PCNT: variants seen among roughly 807,000 people sequenced by gnomAD.
PCNT encodes pericentrin.
A neutral mutation model predicts 380.4 loss-of-function variants in PCNT; 319 were observed. The observed-to-expected ratio is 0.84, with a 90% confidence interval of 0.77 to 0.92. PCNT has a LOEUF of 0.92. Among genes scored for constraint, PCNT ranks in the 40% least tolerant of loss-of-function variants. The pLI, the probability that PCNT is intolerant of heterozygous loss-of-function variation, is 0.00. For synonymous variants in PCNT, 1,845 were observed against 1,735.2 expected (o/e 1.06, Z -1.57); for missense variants, 4,400 against 4,255.3 (o/e 1.03, Z -0.95).
At chr21:46,374,514 C>T (rs1262013919) in intron 15 of PCNT, among the ~76,000 whole-genome samples, 1 of 152,172 alleles carries the variant, frequency 6.6e-6, no homozygotes, top group African/African-American at 2.4e-5. Flanking sequence ...GGCCACTCCT[C>T]TCCTGGTCTC....
intron 2 of PCNT, among the ~76,000 whole-genome samples, chr21:46,330,894 T>C (rs1326507162): frequency 6.6e-6 from 1 of 152,230 alleles, no homozygotes; most frequent in African/African-American, 2.4e-5. Flanking sequence ...ACCTTTATGT[T>C]ATAGTTGTAC....
rs567292285 is a variant in PCNT, at chr21:46,353,212, A to G, written c.1565A>G (p.Tyr522Cys). Reference protein sequence around the residue: ...HESELEQLRIYFEKKLRDAEK... With the variant: ...HESELEQLRICFEKKLRDAEK... ...TCCGAACTGGAGCAACTGAGGATTT[A>G]TTTTGAAAAGAAGTTAAGGGATGCT... The change falls in exon 10 of 47, where the codon TAT (tyrosine) becomes TGT (cysteine). Residue 522 changes from tyrosine to cysteine, a missense_variant. Physicochemically the swap from Tyr to Cys is radical, Grantham distance 194. Coordinates refer to ENST00000359568, the MANE Select transcript of PCNT (RefSeq NM_006031.6). 1.2e-6 allele frequency: 2 copies of G among 1,614,132 alleles called. No individual in the cohort carries two copies. Among genetic ancestry groups the G allele is most frequent in the African/African-American group, 1.3e-5 (1 of 75,048 alleles).
chr21:46,368,289 CA>C (rs929945687), intron 15 of PCNT, among the ~76,000 whole-genome samples: 2 of 150,928 alleles, frequency 1.3e-5, no homozygotes, highest in Admixed American at 6.6e-5. Flanking sequence ...ACTAAAAATC[CA>C]AAAAAAAATT....
At position 46,422,127 on chromosome 21, in the gene PCNT, A is replaced by G. The variant is rs1225684216; in HGVS notation, c.7179+3A>G. ...AAGTGCGTCCGAAGCACGTGAAGGT[A>G]TGGCTGGCAGGGGCGGCCCTCACAG... On this transcript the variant is annotated splice_donor_region_variant and intron_variant, in intron 32 of 46. Coordinates refer to ENST00000359568, the MANE Select transcript of PCNT (RefSeq NM_006031.6). 2.5e-6 allele frequency: 4 copies of G among 1,613,300 alleles called. No individual in the cohort carries two copies. Among genetic ancestry groups the G allele is most frequent in the African/African-American group, 1.3e-5 (1 of 74,950 alleles).
chr21:46,337,670 C>T (rs2083792848), intron 3 of PCNT, among the ~76,000 whole-genome samples: 1 of 152,208 alleles, frequency 6.6e-6, no homozygotes, highest in Non-Finnish European at 1.5e-5. Flanking sequence ...GCAATCTCCG[C>T]TTCCCGGATT....
chr21:46,380,444 G>T (rs1158014382), intron 15 of PCNT, among the ~76,000 whole-genome samples: 1 of 151,958 alleles, frequency 6.6e-6, no homozygotes, highest in African/African-American at 2.4e-5. Flanking sequence ...ACAGGCGTGA[G>T]CCACCGCGCC....
intron 40 of PCNT, among the ~76,000 whole-genome samples, chr21:46,437,787 G>A (rs2053502480): frequency 6.6e-6 from 1 of 152,208 alleles, no homozygotes; most frequent in Admixed American, 6.5e-5. Flanking sequence ...GTTGGGCCCT[G>A]GTGACCTTTC....
chr21:46,387,464 C>T lies in PCNT; in HGVS notation c.3465-1278C>T, dbSNP rs543624933. On this transcript the variant is annotated intron_variant, in intron 17 of 46. Coordinates refer to ENST00000359568, the MANE Select transcript of PCNT (RefSeq NM_006031.6). Reference sequence around the variant, plus strand: ...GTGGTGGGCGGGGTAGTCCCAGGCTCTAAACACAAGGGGTGCAGAGGTGAG... The same window carrying T: ...GTGGTGGGCGGGGTAGTCCCAGGCTTTAAACACAAGGGGTGCAGAGGTGAG... Among the ~76,000 whole-genome samples, 5 of 152,170 alleles carry T rather than the reference C, an allele frequency of 3.3e-5. No individual in the cohort carries two copies. In the South Asian group the frequency reaches 1.0e-3, roughly 32 times the overall value.
intron 21 of PCNT, among the ~76,000 whole-genome samples, chr21:46,393,146 C>T (rs1174818448): frequency 6.6e-6 from 1 of 152,312 alleles, no homozygotes; most frequent in African/African-American, 2.4e-5. Flanking sequence ...AGCCCTGTTG[C>T]CCCCGCACTC....
At chr21:46,433,465 G>C (rs567650946) in intron 38 of PCNT, among the ~76,000 whole-genome samples, 11 of 152,242 alleles carry the variant, frequency 7.2e-5, no homozygotes, top group African/African-American at 2.4e-4. Context: ...TGGTTTGGTG[G>C]TACAGACAGT....
chr21:46,371,857 C>A (rs1232299905), intron 15 of PCNT, among the ~76,000 whole-genome samples: 2 of 149,068 alleles, frequency 1.3e-5, no homozygotes, highest in African/African-American at 5.0e-5. Context: ...CATGTGCACA[C>A]AGCATGTGTG....
At chr21:46,429,718 G>C (rs1007687776) in intron 35 of PCNT, among the ~76,000 whole-genome samples, 8 of 152,182 alleles carry the variant, frequency 5.3e-5, no homozygotes, top group African/African-American at 1.9e-4. Flanking sequence ...GTTGGAGGCA[G>C]TTTAGGGTGT....
chr21:46,424,039 C>T (rs73379378), intron 32 of PCNT, among the ~76,000 whole-genome samples: 26,824 of 152,152 alleles, frequency 0.18, 4,361 homozygotes, highest in African/African-American at 0.43. Context: ...CCCACACTGA[C>T]GCCGCAGTGG....
rs546629654 is a variant in PCNT at position 46,334,027 on chromosome 21, A to G, written c.268-370A>G. 4.6e-5 allele frequency among the ~76,000 whole-genome samples: 7 copies of G among 152,146 alleles called. No homozygotes were observed. The East Asian group carries it at 1.2e-3, about 25-fold the overall frequency. On this transcript the variant is annotated intron_variant, in intron 2 of 46. Transcript: ENST00000359568. ...CAAGACCATCTTGGCTAACATGGTG[A>G]AACCCTGTCTCTACTAAAAATACAA... is the stretch of plus-strand genomic sequence containing the variant.
At position 46,432,081 on chromosome 21, in the gene PCNT, G is replaced by A. The variant is rs1202131018; in HGVS notation, c.8617G>A (p.Ala2873Thr). The A allele has an allele frequency of 6.2e-7, 1 of 1,613,980 alleles. No homozygotes were observed. Among genetic ancestry groups the A allele is most frequent in the Non-Finnish European group, 8.5e-7 (1 of 1,180,052 alleles). ...REREKPAWLQ[A>T]ELEQSHPRLK... Reference sequence around the variant, plus strand: ...GAGGGAGAAACCAGCGTGGTTGCAGGCAGAATTAGAGCAGTCACACCCACG... The same window carrying A: ...GAGGGAGAAACCAGCGTGGTTGCAGACAGAATTAGAGCAGTCACACCCACG... The change falls in exon 38 of 47, where the codon GCA becomes ACA. Residue 2873 changes from alanine to threonine, a missense_variant. Transcript: ENST00000359568.
Position 46,363,827 on chromosome 21 carries a change from G to A in PCNT, c.2502G>A (p.Leu834=), listed in dbSNP as rs1344704204. 10 of 1,612,480 alleles carry A rather than the reference G, an allele frequency of 6.2e-6. No individual in the cohort carries two copies. Among genetic ancestry groups the A allele is most frequent in the Non-Finnish European group, 7.6e-6 (9 of 1,179,166 alleles). Residue 834 remains leucine (L), a synonymous_variant, in exon 14 of 47, where the codon CTG becomes CTA. Transcript: ENST00000359568. ...AGGACCTCACTTCAGACGACGCCCT[G>A]CATTGCAGCCAGTGTGGGCGGGAGC... ...LEQDLTSDDA[L]HCSQCGREPP...
At chr21:46,370,466 G>C (rs2085080524) in intron 15 of PCNT, among the ~76,000 whole-genome samples, 1 of 151,914 alleles carries the variant, frequency 6.6e-6, no homozygotes, top group African/African-American at 2.4e-5. Context: ...AGGGGTGCCT[G>C]CCAGCTGATG....
At chr21:46,346,241 A>G (rs760891616) in intron 4 of PCNT, 33 bp downstream of exon 4, 8 of 1,355,128 alleles carry the variant, frequency 5.9e-6, no homozygotes, top group South Asian at 2.3e-5. Context: ...GGCTCACAGC[A>G]TGGGCTCTGT....
At chr21:46,415,035 C>T (rs1313688718) in intron 29 of PCNT, among the ~76,000 whole-genome samples, 2 of 152,252 alleles carry the variant, frequency 1.3e-5, no homozygotes, top group East Asian at 3.8e-4. Context: ...ATGCTTGGTG[C>T]TGAAGCCTGC....
Sources: allele counts gnomAD v4.1 joint callset (sites outside exome capture counted in the v4.1 genomes callset), GRCh38; gene constraint gnomAD v4.1.1; transcripts MANE v1.5; gene names NCBI Gene and HGNC (gene_info 2026-07-23, HGNC 2026-07-21).